Variants in DOCK3 observed in about 807,000 individuals in gnomAD.
DOCK3 encodes dedicator of cytokinesis 3.
DOCK3 carries 60 observed loss-of-function variants against 265.6 expected under a neutral mutation model. The ratio of observed to expected loss-of-function variants is 0.23; its 90% confidence interval spans 0.18 to 0.28. DOCK3 has a LOEUF of 0.28. DOCK3 is among the 10% of genes least tolerant of loss of function. The pLI is 1.00. For synonymous variants in DOCK3, 881 were observed against 938.0 expected, an observed-to-expected ratio of 0.94 and a Z score of 1.11; for missense variants, 1,981 against 2,594.3, an observed-to-expected ratio of 0.76 and a Z score of 5.14.
intron 1 of DOCK3, among the ~76,000 whole-genome samples, chr3:50,688,390 A>G (rs1295918318): frequency 6.6e-6 from 1 of 152,170 alleles, no homozygotes; most frequent in Non-Finnish European, 1.5e-5. Context: ...ATTTTATACA[A>G]AGCACTTGGA....
At chr3:51,306,684 G>T (rs7630714) in intron 27 of DOCK3, among the ~76,000 whole-genome samples, 125,114 of 152,208 alleles carry the variant, frequency 0.82, 52,016 homozygotes, top group Middle Eastern at 0.9. Context: ...ATCTGCTGCT[G>T]AGCCCCTTTA....
At chr3:51,258,163 G>A (rs2079650850) in intron 22 of DOCK3, among the ~76,000 whole-genome samples, 1 of 152,176 alleles carries the variant, frequency 6.6e-6, no homozygotes, top group Admixed American at 6.5e-5. Flanking sequence ...AATGTTTCAT[G>A]CCACTCATTA....
intron 5 of DOCK3, among the ~76,000 whole-genome samples, chr3:50,978,408 A>C (rs1055796175): frequency 1.6e-5 from 1 of 63,648 alleles, no homozygotes; most frequent in African/African-American, 3.7e-5. Flanking sequence ...CTGCCGTGTG[A>C]GGTGTCAGTG....
chr3:51,058,327 T>C (rs1455022606), intron 5 of DOCK3, among the ~76,000 whole-genome samples: 1 of 152,206 alleles, frequency 6.6e-6, no homozygotes, highest in Non-Finnish European at 1.5e-5. Context: ...TGGAAGGGTA[T>C]CAAAGTCACA....
chr3:51,293,797 C>T (rs2081922505), intron 27 of DOCK3, among the ~76,000 whole-genome samples: 1 of 152,040 alleles, frequency 6.6e-6, no homozygotes, highest in Admixed American at 6.5e-5. Flanking sequence ...TTAAAATTGG[C>T]AAAGGACTTG....
intron 7 of DOCK3, among the ~76,000 whole-genome samples, chr3:51,083,723 C>G (rs2082321505): frequency 1.3e-5 from 2 of 152,162 alleles, no homozygotes; most frequent in South Asian, 2.1e-4. Flanking sequence ...TGGCTCATGA[C>G]TATAATCCCA....
chr3:50,740,807 T>G (rs956234371), intron 1 of DOCK3, among the ~76,000 whole-genome samples: 1 of 152,172 alleles, frequency 6.6e-6, no homozygotes, highest in African/African-American at 2.4e-5. Context: ...TTTACCACAA[T>G]AGCTTTTTAA....
intron 5 of DOCK3, among the ~76,000 whole-genome samples, chr3:51,038,151 A>G (rs894182551): frequency 2.4e-4 from 36 of 152,168 alleles, no homozygotes; most frequent in African/African-American, 8.2e-4. Flanking sequence ...ATACTTTTTT[A>G]CTGAAAGGGA....
At chr3:50,917,670 T>C (rs2050200650) in intron 4 of DOCK3, among the ~76,000 whole-genome samples, 1 of 152,112 alleles carries the variant, frequency 6.6e-6, no homozygotes, top group Non-Finnish European at 1.5e-5. Flanking sequence ...TTGCATATTC[T>C]TAATATTGTT....
intron 2 of DOCK3, among the ~76,000 whole-genome samples, chr3:50,825,482 G>A (rs1248654697): frequency 6.6e-6 from 1 of 152,154 alleles, no homozygotes; most frequent in Non-Finnish European, 1.5e-5. Context: ...CTCATTTGAT[G>A]GCCACTCTTG....
At chr3:50,745,411 C>A (rs1394554818) in intron 1 of DOCK3, among the ~76,000 whole-genome samples, 1 of 152,136 alleles carries the variant, frequency 6.6e-6, no homozygotes, top group Admixed American at 6.6e-5. Context: ...GTTATTTTAA[C>A]AATAAGTCTT....
intron 13 of DOCK3, among the ~76,000 whole-genome samples, chr3:51,211,279 A>G (rs72953162): frequency 0.073 from 11,149 of 152,194 alleles, 1,004 homozygotes; most frequent in East Asian, 0.32. Flanking sequence ...GAGGTTCAGT[A>G]AGAAAATGGT....
At chr3:50,689,060 A>C (rs888758361) in intron 1 of DOCK3, among the ~76,000 whole-genome samples, 8 of 152,234 alleles carry the variant, frequency 5.3e-5, no homozygotes, top group African/African-American at 1.9e-4. Context: ...AGCTGTGTTA[A>C]GTACATTAAC....
chr3:51,049,471 T>A (rs1268908281), intron 5 of DOCK3, among the ~76,000 whole-genome samples: 1 of 152,170 alleles, frequency 6.6e-6, no homozygotes, highest in Admixed American at 6.5e-5. Flanking sequence ...GGTTCCTTTT[T>A]TAAATGGCTA....
intron 1 of DOCK3, among the ~76,000 whole-genome samples, chr3:50,708,463 A>G (rs1184153646): frequency 2.0e-5 from 3 of 152,134 alleles, no homozygotes; most frequent in Non-Finnish European, 4.4e-5. Flanking sequence ...ACATGGGAAG[A>G]TGTCACTGGG....
At chr3:51,305,546 T>A (rs1031217649) in intron 27 of DOCK3, among the ~76,000 whole-genome samples, 1 of 152,202 alleles carries the variant, frequency 6.6e-6, no homozygotes, top group African/African-American at 2.4e-5. Context: ...AATTCATTTA[T>A]GTTTACTGTA....
intron 4 of DOCK3, among the ~76,000 whole-genome samples, chr3:50,903,330 G>GTC (rs1450922637): frequency 6.6e-6 from 1 of 152,116 alleles, no homozygotes. Context: ...ATTATTTTGA[G>GTC]TTATAGTCCT....
intron 1 of DOCK3, among the ~76,000 whole-genome samples, chr3:50,766,850 G>A (rs2040915559): frequency 6.6e-6 from 1 of 152,144 alleles, no homozygotes; most frequent in South Asian, 2.1e-4. Context: ...TTGTGGTTTT[G>A]ATTTGCATTT....
In DOCK3 at chr3:50,705,521, T is replaced by C. The variant is rs563848250; in HGVS notation, c.37+30221T>C. Among the ~76,000 whole-genome samples, 9 of 152,262 alleles carry C rather than the reference T, an allele frequency of 5.9e-5. No homozygotes were observed. The East Asian group carries it at 1.7e-3, about 30-fold the overall frequency. On this transcript the variant is annotated intron_variant, in intron 1 of 52. Transcript: ENST00000266037. ...ACCTCCGCCTGCTGGGTTCAAGCAG[T>C]TCTCCTGCCTCAGCCTCCCAAGTAG...
Sources: allele counts gnomAD v4.1 joint callset (sites outside exome capture counted in the v4.1 genomes callset), GRCh38; gene constraint gnomAD v4.1.1; transcripts MANE v1.5; gene names NCBI Gene and HGNC (gene_info 2026-07-23, HGNC 2026-07-21).